Variants in CTNNA3 observed in about 807,000 individuals in gnomAD.
CTNNA3 encodes catenin alpha-3.
A neutral mutation model predicts 95.7 loss-of-function variants in CTNNA3; 76 were observed. The ratio of observed to expected loss-of-function variants is 0.79; its 90% CI spans 0.66 to 0.96. The LOEUF (loss-of-function observed/expected upper bound fraction) is 0.96, where lower values mean the gene tolerates loss of function less well. CTNNA3 is among the 40% of genes least tolerant of loss of function. CTNNA3 has a pLI of 0.00. For synonymous variants in CTNNA3, 431 were observed against 374.4 expected (o/e 1.15, Z -1.74); for missense variants, 1,191 against 1,089.8 (o/e 1.09, Z -1.31).
At chr10:66,371,542 G>A (rs1329400060) in intron 12 of CTNNA3, among the ~76,000 whole-genome samples, 5 of 152,132 alleles carry the variant, frequency 3.3e-5, no homozygotes, top group Non-Finnish European at 7.4e-5. Flanking sequence ...AATGTTCTTG[G>A]TTGCATAATA....
chr10:67,418,007 C>A (rs1845604881), intron 5 of CTNNA3, among the ~76,000 whole-genome samples: 1 of 152,044 alleles, frequency 6.6e-6, no homozygotes, highest in Non-Finnish European at 1.5e-5. Flanking sequence ...AATATCCATA[C>A]AAAGAAGTAT....
At chr10:66,796,741 G>T (rs986911792) in intron 7 of CTNNA3, among the ~76,000 whole-genome samples, 3 of 151,938 alleles carry the variant, frequency 2.0e-5, no homozygotes, top group African/African-American at 7.2e-5. Flanking sequence ...AGACCAAGTA[G>T]GTATTAACAA....
intron 9 of CTNNA3, among the ~76,000 whole-genome samples, chr10:66,742,104 C>T (rs1424640727): frequency 2.0e-5 from 3 of 152,214 alleles, no homozygotes; most frequent in African/African-American, 4.8e-5. Flanking sequence ...TATTTCTCCT[C>T]TTTCAAAAGC....
At position 66,660,797 on chromosome 10, in the gene CTNNA3, C is replaced by A. The variant is rs1846236936; in HGVS notation, c.1282-39013G>T. 2.6e-5 allele frequency among the ~76,000 whole-genome samples: 4 copies of A among 152,058 alleles called. No homozygotes were observed. The South Asian group carries it at 8.3e-4, about 32-fold the overall frequency. On this transcript the variant is annotated intron_variant, in intron 9 of 17. Coordinates refer to ENST00000433211, the MANE Select transcript of CTNNA3 (RefSeq NM_013266.4). ...ATCTCTACTCTCATTATCCCATATCCCCATTTCCTGCTTTATTTTCTCTCC... is the reference window on the plus strand; with the variant it reads ...ATCTCTACTCTCATTATCCCATATCACCATTTCCTGCTTTATTTTCTCTCC...
intron 15 of CTNNA3, among the ~76,000 whole-genome samples, chr10:66,064,115 G>T (rs144778159): frequency 6.6e-6 from 1 of 152,226 alleles, no homozygotes; most frequent in African/African-American, 2.4e-5. Flanking sequence ...CATGTCAGTA[G>T]GCAAAGGAGA....
At chr10:67,743,500 C>T (rs1171353837) in intron 1 of CTNNA3, among the ~76,000 whole-genome samples, 4 of 151,186 alleles carry the variant, frequency 2.6e-5, no homozygotes, top group Non-Finnish European at 5.9e-5. Context: ...TGGGACATAT[C>T]TCAAAATAAT....
chr10:66,638,090 T>C (rs7918875), intron 9 of CTNNA3, among the ~76,000 whole-genome samples: 101,330 of 151,996 alleles, frequency 0.67, 34,739 homozygotes, highest in East Asian at 0.95. Context: ...GTCAGCTGCG[T>C]CACTTCTCAC....
intron 3 of CTNNA3, among the ~76,000 whole-genome samples, chr10:67,605,809 T>G (rs766972614): frequency 2.6e-4 from 40 of 152,224 alleles, no homozygotes; most frequent in Non-Finnish European, 3.7e-4. Flanking sequence ...CTCCCAAGTT[T>G]ACAGGCGCCT....
chr10:66,813,831 CGTGTGTGTGTGTGAGT>C (rs900279924), intron 7 of CTNNA3, among the ~76,000 whole-genome samples: 1 of 92,550 alleles, frequency 1.1e-5, no homozygotes, highest in Non-Finnish European at 2.0e-5. Flanking sequence ...GGGGGAAGGG[CGTGTGTGTGTGTGAGT>C]GTGTGTGTGT....
chr10:66,848,298 G>A (rs548626165), intron 7 of CTNNA3, among the ~76,000 whole-genome samples: 1 of 152,168 alleles, frequency 6.6e-6, no homozygotes, highest in Non-Finnish European at 1.5e-5. Context: ...GCCCAGGCAA[G>A]TTCAAGTTTG....
chr10:67,133,461 C>T (rs1475244146), intron 7 of CTNNA3, among the ~76,000 whole-genome samples: 2 of 150,456 alleles, frequency 1.3e-5, no homozygotes, highest in African/African-American at 4.9e-5. Flanking sequence ...AATGGTTGGA[C>T]TGATTTAAAG....
At chr10:66,211,854 T>C (rs1301574882) in intron 13 of CTNNA3, among the ~76,000 whole-genome samples, 1 of 152,146 alleles carries the variant, frequency 6.6e-6, no homozygotes, top group Non-Finnish European at 1.5e-5. Flanking sequence ...CAAAAATCCT[T>C]CTCTCATGTC....
chr10:65,919,279 A>T lies in CTNNA3; in HGVS notation c.*1051T>A, dbSNP rs113781609. On this transcript the variant is annotated 3_prime_UTR_variant, in exon 18 of 18. Transcript: ENST00000433211. ...CTGGAGTTGTAAAATGACCCCAGTG[A>T]CTTTTATTTAAAAGAACGTTATTAA... The T allele has an allele frequency of 6.8e-4, 104 of 152,306 alleles. No individual in the cohort carries two copies. Among genetic ancestry groups the T allele is most frequent in the African/African-American group, 2.4e-3 (100 of 41,576 alleles). 9.4% of individuals were successfully genotyped at this position (152,306 alleles called of 1,614,324 possible). A position where few individuals can be genotyped will look rare whatever the true frequency, so the allele number is the denominator to read the frequency against.
At chr10:67,225,106 C>A (rs1864839209) in intron 5 of CTNNA3, among the ~76,000 whole-genome samples, 1 of 152,212 alleles carries the variant, frequency 6.6e-6, no homozygotes, top group East Asian at 1.9e-4. Context: ...CCAGCTTTCC[C>A]CCACTTCCCT....
chr10:67,183,888 A>G (rs1862706023), intron 6 of CTNNA3, among the ~76,000 whole-genome samples: 1 of 152,142 alleles, frequency 6.6e-6, no homozygotes, highest in Non-Finnish European at 1.5e-5. Flanking sequence ...GAATTCAACT[A>G]TGTCAATGCA....
intron 7 of CTNNA3, among the ~76,000 whole-genome samples, chr10:67,076,574 C>T (rs1856763492): frequency 6.6e-6 from 1 of 152,166 alleles, no homozygotes; most frequent in Non-Finnish European, 1.5e-5. Context: ...CTTTTAAAAT[C>T]TAAAAGCGTT....
chr10:66,953,995 G>T (rs1848668615), intron 7 of CTNNA3, among the ~76,000 whole-genome samples: 1 of 152,044 alleles, frequency 6.6e-6, no homozygotes, highest in Non-Finnish European at 1.5e-5. Context: ...AAAATAATTA[G>T]AACAAAGCTG....
chr10:66,015,968 G>C (rs1007009720), intron 15 of CTNNA3, among the ~76,000 whole-genome samples: 2 of 152,104 alleles, frequency 1.3e-5, no homozygotes, highest in Non-Finnish European at 2.9e-5. Context: ...ACCTCTATGT[G>C]CTTTCACTCA....
At chr10:67,623,116 G>T (rs1183969850) in intron 2 of CTNNA3, among the ~76,000 whole-genome samples, 1 of 152,130 alleles carries the variant, frequency 6.6e-6, no homozygotes, top group Non-Finnish European at 1.5e-5. Flanking sequence ...TAATCAGCAA[G>T]AGTACAAAAA....
Sources: gnomAD v4.1 joint callset for allele counts (sites outside exome capture counted in the v4.1 genomes callset) on GRCh38, gnomAD v4.1.1 for gene constraint, MANE v1.5 for transcripts, NCBI Gene and HGNC (gene_info 2026-07-23, HGNC 2026-07-21) for gene names.